The following BCAS3 variants were observed in gnomAD, a reference collection of about 807,000 sequenced individuals.
BCAS3 encodes the protein BCAS3 microtubule associated cell migration factor, also known as BCAS4/BCAS3 fusion.
A neutral mutation model predicts 116.1 loss-of-function variants in BCAS3; 53 were observed. The ratio of observed to expected loss-of-function variants is 0.46; its 90% confidence interval spans 0.37 to 0.57. The LOEUF (loss-of-function observed/expected upper bound fraction) is 0.57, where lower values mean the gene tolerates loss of function less well. BCAS3 is among the 20% of genes least tolerant of loss of function. BCAS3 has a pLI of 0.00. For synonymous variants in BCAS3, 391 were observed against 408.2 expected, an observed-to-expected ratio of 0.96 and a Z score of 0.51; for missense variants, 917 against 1,165.4, an observed-to-expected ratio of 0.79 and a Z score of 3.10.
rs562999074 is a variant in BCAS3 at position 60,860,538 on chromosome 17, A to G, written c.477-8038A>G. Among the ~76,000 whole-genome samples the G allele has an allele frequency of 3.3e-5, 5 of 152,340 alleles. No homozygotes were observed. The South Asian group carries it at 1.0e-3, about 32-fold the overall frequency. ...TGGGATTGCTTTTGGAGTCTTCCTT[A>G]TAAAATCTTTGCCAGGGCATGTGTC... On this transcript the variant is annotated intron_variant, in intron 7 of 23. Transcript: ENST00000407086.
intron 15 of BCAS3, among the ~76,000 whole-genome samples, chr17:61,003,269 AT>A (rs532736404): frequency 9.8e-4 from 144 of 147,106 alleles, no homozygotes; most frequent in African/African-American, 2.0e-3. Flanking sequence ...TTTTCTTTGA[AT>A]TTTTTTTATT....
chr17:60,975,398 C>T (rs902812595), intron 14 of BCAS3, among the ~76,000 whole-genome samples: 1 of 152,202 alleles, frequency 6.6e-6, no homozygotes, highest in Non-Finnish European at 1.5e-5. Flanking sequence ...GCTTATCTTC[C>T]TTTGTGCATA....
intron 5 of BCAS3, chr17:60,727,105 G>A (rs151171512): frequency 4.8e-6 from 2 of 415,970 alleles, no homozygotes; most frequent in South Asian, 9.5e-5. Flanking sequence ...TTTCTCTCAG[G>A]TAATTTTTCT....
chr17:60,934,878 G>C (rs756952623), intron 13 of BCAS3, among the ~76,000 whole-genome samples: 2 of 152,128 alleles, frequency 1.3e-5, no homozygotes, highest in Non-Finnish European at 2.9e-5. Flanking sequence ...ACAGTAAGAG[G>C]CTGGGTGCAG....
chr17:61,264,627 C>A (rs1161556146), intron 22 of BCAS3, among the ~76,000 whole-genome samples: 1 of 152,110 alleles, frequency 6.6e-6, no homozygotes, highest in Non-Finnish European at 1.5e-5. Context: ...AGGCTGGGCT[C>A]AAACTCCCAA....
chr17:60,939,405 CT>C (rs1350156348), intron 13 of BCAS3, among the ~76,000 whole-genome samples: 1 of 151,978 alleles, frequency 6.6e-6, no homozygotes, highest in East Asian at 1.9e-4. Flanking sequence ...GCACTCCAGC[CT>C]GGTTGACAGA....
chr17:60,832,333 A>C (rs1031039569), intron 7 of BCAS3, among the ~76,000 whole-genome samples: 49 of 152,188 alleles, frequency 3.2e-4, no homozygotes, highest in African/African-American at 9.4e-4. Context: ...GCGGGCTGGA[A>C]TCAAAGTGGT....
At chr17:61,172,414 A>G (rs2078890229) in intron 22 of BCAS3, among the ~76,000 whole-genome samples, 1 of 151,982 alleles carries the variant, frequency 6.6e-6, no homozygotes, top group African/African-American at 2.4e-5. Flanking sequence ...CGGGCGGATC[A>G]CGAGGTCCAG....
At chr17:61,287,570 CA>C (rs1427961914) in intron 22 of BCAS3, among the ~76,000 whole-genome samples, 2 of 151,596 alleles carry the variant, frequency 1.3e-5, no homozygotes, top group Non-Finnish European at 1.5e-5. Context: ...TATGAAAAAT[CA>C]AAAAATTAGC....
At chr17:60,782,943 C>T (rs1322967441) in intron 6 of BCAS3, among the ~76,000 whole-genome samples, 1 of 151,866 alleles carries the variant, frequency 6.6e-6, no homozygotes, top group Non-Finnish European at 1.5e-5. Context: ...AAATTTGGGG[C>T]CCCAAATGCA....
At chr17:60,992,988 T>C (rs1467045458) in intron 15 of BCAS3, among the ~76,000 whole-genome samples, 2 of 152,206 alleles carry the variant, frequency 1.3e-5, no homozygotes, top group Admixed American at 1.3e-4. Flanking sequence ...GATGTATTAG[T>C]AAATTAAGAA....
intron 22 of BCAS3, among the ~76,000 whole-genome samples, chr17:61,338,887 G>GA (rs201123711): frequency 1.0e-5 from 1 of 99,660 alleles, no homozygotes. Context: ...GCCCTTACTG[G>GA]GAAAAAAAAA....
In BCAS3 at chr17:61,015,745, T is replaced by C; in HGVS notation, c.1487-6T>C. Reference sequence around the variant, plus strand: ...GTGATGCTTTTCTTTATTTTTCTCTTTGTAGGGAAACTGAACAGCCAAGAC... The same window carrying C: ...GTGATGCTTTTCTTTATTTTTCTCTCTGTAGGGAAACTGAACAGCCAAGAC... On this transcript the variant is annotated splice_polypyrimidine_tract_variant and splice_region_variant and intron_variant, in intron 15 of 23. Transcript: ENST00000407086. The C allele has an allele frequency of 6.2e-7, 1 of 1,613,798 alleles. No individual in the cohort carries two copies. Among genetic ancestry groups the C allele is most frequent in the African/African-American group, 1.3e-5 (1 of 75,020 alleles).
intron 7 of BCAS3, 21 bp downstream of exon 7, chr17:60,808,097 C>T: frequency 6.8e-7 from 1 of 1,476,202 alleles, no homozygotes; most frequent in Non-Finnish European, 9.4e-7. Context: ...TTTAAAAATT[C>T]TTTGTATCAC....
At chr17:60,978,660 AT>A (rs1473449436) in intron 14 of BCAS3, among the ~76,000 whole-genome samples, 3 of 152,198 alleles carry the variant, frequency 2.0e-5, no homozygotes, top group African/African-American at 7.2e-5. Context: ...TCTTTAATCC[AT>A]CCTGAATTGA....
intron 13 of BCAS3, among the ~76,000 whole-genome samples, chr17:60,927,945 T>G (rs2059449257): frequency 6.6e-6 from 1 of 152,196 alleles, no homozygotes; most frequent in Non-Finnish European, 1.5e-5. Flanking sequence ...TTTAATTTCA[T>G]TCTGGGAAAG....
intron 22 of BCAS3, among the ~76,000 whole-genome samples, chr17:61,301,014 T>C (rs1355309530): frequency 6.6e-6 from 1 of 152,254 alleles, no homozygotes; most frequent in Non-Finnish European, 1.5e-5. Flanking sequence ...CACACATTTA[T>C]GATATAGTAA....
At position 60,701,113 on chromosome 17, in the gene BCAS3, G is replaced by A. The variant is rs755779962; in HGVS notation, c.215-8106G>A. Among the ~76,000 whole-genome samples the A allele has an allele frequency of 3.9e-4, 59 of 152,024 alleles. 2 individuals carry two copies. Among genetic ancestry groups the A allele is most frequent in the Non-Finnish European group, 1.2e-4 (8 of 67,986 alleles). On this transcript the variant is annotated intron_variant, in intron 4 of 23. Transcript: ENST00000407086. ...ACAAAAATTAGCCAGGCGTGGTGAC[G>A]CACATCTGTAATTCCAGCTACTCAG...
intron 22 of BCAS3, among the ~76,000 whole-genome samples, chr17:61,322,798 G>C (rs865887407): frequency 1.2e-4 from 3 of 24,706 alleles, no homozygotes; most frequent in Admixed American, 1.6e-3. Context: ...GAGAGACAGA[G>C]AGAGAGAGAG....
Sources: allele counts gnomAD v4.1 joint callset (sites outside exome capture counted in the v4.1 genomes callset), GRCh38; gene constraint gnomAD v4.1.1; transcripts MANE v1.5; gene names NCBI Gene and HGNC (gene_info 2026-07-23, HGNC 2026-07-21).